SH3PXD2A: variants seen among roughly 807,000 people sequenced by gnomAD.
The protein encoded by SH3PXD2A is SH3 and PX domain-containing protein 2A.
SH3PXD2A carries 32 observed loss-of-function variants against 115.2 expected under a neutral mutation model. The ratio of observed to expected loss-of-function variants is 0.28; its 90% CI spans 0.21 to 0.37. The LOEUF is 0.37. Among genes scored for constraint, SH3PXD2A ranks in the 10% least tolerant of loss-of-function variants. The pLI is 1.00. For missense variants in SH3PXD2A, 1,328 were observed against 1,498.7 expected, an observed-to-expected ratio of 0.89 and a Z score of 1.88; for synonymous variants, 610 against 629.1, an observed-to-expected ratio of 0.97 and a Z score of 0.45.
intron 4 of SH3PXD2A, 74 bp from the exon 5 acceptor site, chr10:103,724,435 T>C: frequency 2.4e-6 from 2 of 823,976 alleles, no homozygotes; most frequent in South Asian, 3.5e-5. Flanking sequence ...AGTGTCACCT[T>C]ACACCAACAG....
At chr10:103,706,783 ATC>A (rs1480518149) in intron 5 of SH3PXD2A, among the ~76,000 whole-genome samples, 2 of 151,868 alleles carry the variant, frequency 1.3e-5, no homozygotes, top group Non-Finnish European at 2.9e-5. Flanking sequence ...CAGACCCTGC[ATC>A]TCTGCTCTCC....
chr10:103,830,376 G>T (rs922193831), intron 1 of SH3PXD2A, among the ~76,000 whole-genome samples: 8 of 152,200 alleles, frequency 5.3e-5, no homozygotes, highest in Non-Finnish European at 7.3e-5. Context: ...AGGCTGGAAG[G>T]TCTTCCGGGT....
In SH3PXD2A at chr10:103,602,445, T is replaced by G; in HGVS notation, c.2773A>C (p.Ser925Arg). 1 of 1,614,156 alleles carries G rather than the reference T, an allele frequency of 6.2e-7. No homozygotes were observed. Among genetic ancestry groups the G allele is most frequent in the Non-Finnish European group, 8.5e-7 (1 of 1,180,006 alleles). Reference protein sequence around the residue: ...KGRQNEGKSDSLEKIERRVQA... With the variant: ...KGRQNEGKSDRLEKIERRVQA... ...ACGCGCCTCTCGATCTTCTCCAGGC[T>G]GTCTGATTTGCCTTCGTTCTGCCTG... The change falls in exon 15 of 15, where the codon AGC (serine) becomes CGC (arginine). Residue 925 changes from serine (S) to arginine (R), a missense_variant. This residue lies in a region of SH3PXD2A where 574 missense variants were observed against 565.7 expected (regional missense o/e 1.01). Transcript: ENST00000369774.
At chr10:103,731,256 G>T (rs1417572468) in intron 4 of SH3PXD2A, among the ~76,000 whole-genome samples, 1 of 151,728 alleles carries the variant, frequency 6.6e-6, no homozygotes, top group African/African-American at 2.4e-5. Context: ...TGCCTCCCAG[G>T]CTCAAGTGAC....
intron 8 of SH3PXD2A, among the ~76,000 whole-genome samples, chr10:103,648,297 C>T (rs959961089): frequency 3.9e-5 from 6 of 152,198 alleles, no homozygotes; most frequent in Non-Finnish European, 7.3e-5. Flanking sequence ...GATCCCTGCA[C>T]CAAGCCTCTC....
chr10:103,850,971 G>A lies in SH3PXD2A; in HGVS notation c.72+4224C>T, dbSNP rs192687935. On this transcript the variant is annotated intron_variant, in intron 1 of 14. Coordinates refer to ENST00000369774, the MANE Select transcript of SH3PXD2A (RefSeq NM_001394015.1). ...GTGAAGTTACAGGTGAGGAGACTGA[G>A]GCTCAGAGTGACAGCCCAAGGTTGC... 2.8e-3 allele frequency among the ~76,000 whole-genome samples: 429 copies of A among 152,234 alleles called. 3 individuals carry two copies. The highest frequency in any genetic ancestry group is 9.9e-3 in the African/African-American group (411 of 41,542).
intron 13 of SH3PXD2A, among the ~76,000 whole-genome samples, chr10:103,608,429 A>AG (rs2036369364): frequency 1.5e-5 from 2 of 132,790 alleles, no homozygotes; most frequent in African/African-American, 2.9e-5. Context: ...TTCCATGTCA[A>AG]GAAAAAAAAA....
intron 8 of SH3PXD2A, among the ~76,000 whole-genome samples, chr10:103,636,279 G>A (rs2036862783): frequency 6.6e-6 from 1 of 152,014 alleles, no homozygotes; most frequent in Non-Finnish European, 1.5e-5. Context: ...CGTGGTGGCG[G>A]GCGCCTGTAG....
intron 5 of SH3PXD2A, among the ~76,000 whole-genome samples, chr10:103,698,424 T>C (rs2037851901): frequency 1.3e-5 from 2 of 152,208 alleles, no homozygotes; most frequent in African/African-American, 4.8e-5. Flanking sequence ...CCAGCTGACA[T>C]TGGCTGCTGG....
In SH3PXD2A at chr10:103,602,181, G is replaced by A. The variant is rs1030401662; in HGVS notation, c.3037C>T (p.Arg1013Ter). Residue 1013 changes from arginine to a stop codon, truncating the protein, a stop_gained, in exon 15 of 15, where the codon CGA (arginine) becomes TGA (stop). Coordinates refer to ENST00000369774, the MANE Select transcript of SH3PXD2A (RefSeq NM_001394015.1). LOFTEE classifies it high-confidence loss of function. ...GCAGTGCTAAAGGAGGAGTTCCGTC[G>A]GACGCCTCGGAGGCCATCAGTGGCC... ...LTATDGLRGV[R>*]RNSSFSTARS... 2 of 1,575,028 alleles carry A rather than the reference G, an allele frequency of 1.3e-6. No homozygotes were observed. The highest frequency in any genetic ancestry group is 8.6e-7 in the Non-Finnish European group (1 of 1,158,848).
chr10:103,632,228 T>C (rs1409881424), intron 8 of SH3PXD2A, among the ~76,000 whole-genome samples: 1 of 151,958 alleles, frequency 6.6e-6, no homozygotes, highest in Non-Finnish European at 1.5e-5. Context: ...TCTCTACCAC[T>C]GCACTCTCAG....
chr10:103,851,968 C>T (rs780894602), intron 1 of SH3PXD2A, among the ~76,000 whole-genome samples: 1 of 152,316 alleles, frequency 6.6e-6, no homozygotes, highest in Non-Finnish European at 1.5e-5. Context: ...GCACAAAGAA[C>T]CCGGTGGACC....
At chr10:103,744,496 C>T (rs1213371614) in intron 3 of SH3PXD2A, among the ~76,000 whole-genome samples, 1 of 152,152 alleles carries the variant, frequency 6.6e-6, no homozygotes, top group African/African-American at 2.4e-5. Context: ...TCACATGTCA[C>T]CTCTGACCCT....
intron 9 of SH3PXD2A, among the ~76,000 whole-genome samples, chr10:103,626,614 A>G (rs993006590): frequency 1.4e-4 from 22 of 151,852 alleles, no homozygotes; most frequent in African/African-American, 4.6e-4. Flanking sequence ...ATTAAAAAAA[A>G]AAAAAGAAAA....
Position 103,756,817 on chromosome 10 carries a change from A to C in SH3PXD2A, c.229+10277T>G, listed in dbSNP as rs1589443145. On this transcript the variant is annotated intron_variant, in intron 3 of 14. Transcript: ENST00000369774. The surrounding 1 kb of genome is among the most constrained non-coding windows in gnomAD (Gnocchi z 4.4). ...GACCTCAGTCTACTTCCCTCCACCC[A>C]GGGCCCAGCCTAGGCCAAGTCACCT... Among the ~76,000 whole-genome samples, 1 of 152,036 alleles carries C rather than the reference A, an allele frequency of 6.6e-6. No individual in the cohort carries two copies. Among genetic ancestry groups the C allele is most frequent in the Non-Finnish European group, 1.5e-5 (1 of 67,992 alleles).
rs775020448 is a variant in SH3PXD2A, at chr10:103,617,312, C to T, written c.805G>A (p.Glu269Lys). The change falls in exon 11 of 15, where the codon GAG becomes AAG. Residue 269 changes from glutamate (E) to lysine (K), a missense_variant and splice_region_variant. By Grantham distance (56) the Glu-to-Lys change is moderately conservative. Coordinates refer to ENST00000369774, the MANE Select transcript of SH3PXD2A (RefSeq NM_001394015.1). ...TAAGGCTGCACGGTGACATACTTCT[C>T]CTCTGGGGGTGGGAGCAAGCAAGCA... is the stretch of plus-strand genomic sequence containing the variant. ...GMVNRQHSRE[E>K]KYVTVQPYTS... The T allele has an allele frequency of 5.6e-6, 9 of 1,611,122 alleles. No homozygotes were observed. In the African/African-American group the frequency reaches 8.0e-5, roughly 14 times the overall value.
rs1193505270 is a variant in SH3PXD2A at position 103,597,127 on chromosome 10, G to GAGCAGAATTT, written c.*4688_*4689insAAATTCTGCT. 1.3e-5 allele frequency: 2 copies of GAGCAGAATTT among 152,660 alleles called. No individual in the cohort carries two copies. Among genetic ancestry groups the GAGCAGAATTT allele is most frequent in the Non-Finnish European group, 1.5e-5 (1 of 68,066 alleles). The allele number at this position is 152,660 out of a possible 1,614,324, so 9.5% of individuals were successfully genotyped here. A position where few individuals can be genotyped will look rare whatever the true frequency, so the allele number is the denominator to read the frequency against. On this transcript the variant is annotated 3_prime_UTR_variant, in exon 15 of 15. Coordinates refer to ENST00000369774, the MANE Select transcript of SH3PXD2A (RefSeq NM_001394015.1). ...GAGCAGAATTTGTATGGACTCTCTG[G>GAGCAGAATTT]GTGTGGAGCCCAGGCAGGGCTCACT...
At chr10:103,733,419 G>C (rs11596328) in intron 4 of SH3PXD2A, among the ~76,000 whole-genome samples, 2 of 152,072 alleles carry the variant, frequency 1.3e-5, no homozygotes, top group African/African-American at 4.8e-5. Context: ...CCTTCCTCCC[G>C]CCCTATGCCC....
chr10:103,807,283 T>C (rs2039216021), intron 1 of SH3PXD2A, among the ~76,000 whole-genome samples: 2 of 152,142 alleles, frequency 1.3e-5, no homozygotes, highest in African/African-American at 2.4e-5. Flanking sequence ...AAAGTGCTGG[T>C]AAGTACCTGT....
Sources: gnomAD v4.1 joint callset for allele counts (sites outside exome capture counted in the v4.1 genomes callset) on GRCh38, gnomAD v4.1.1 for gene constraint, gnomAD v4.1.1 regional missense constraint, Gnocchi (gnomAD v3.1) non-coding constraint, MANE v1.5 for transcripts, NCBI Gene and HGNC (gene_info 2026-07-23, HGNC 2026-07-21) for gene names.